The following PLPPR1 variants were observed in gnomAD, a reference collection of about 807,000 sequenced individuals.
PLPPR1 encodes phospholipid phosphatase-related protein type 1.
PLPPR1 carries 10 observed loss-of-function variants against 33.1 expected under a neutral mutation model. That is an observed-to-expected ratio of 0.30 (90% confidence interval 0.19 to 0.51). The LOEUF is 0.51. Ranked by LOEUF, PLPPR1 falls within the 20% of genes least tolerant of loss-of-function variation. The pLI is 0.97. For synonymous variants in PLPPR1, 151 were observed against 151.0 expected (o/e 1.00, Z 0.00); for missense variants, 304 against 408.1 (o/e 0.74, Z 2.20).
At chr9:101,212,677 G>A (rs962192140) in intron 2 of PLPPR1, among the ~76,000 whole-genome samples, 1 of 152,176 alleles carries the variant, frequency 6.6e-6, no homozygotes. Flanking sequence ...ATTGTCAGAT[G>A]TATATTCTCT....
intron 3 of PLPPR1, among the ~76,000 whole-genome samples, chr9:101,280,723 T>G (rs935312140): frequency 2.0e-5 from 3 of 152,116 alleles, no homozygotes; most frequent in African/African-American, 7.2e-5. Context: ...TTCAGCATCC[T>G]TTCATAATTA....
intron 4 of PLPPR1, among the ~76,000 whole-genome samples, chr9:101,291,508 G>C (rs1303923037): frequency 6.6e-6 from 1 of 152,230 alleles, no homozygotes; most frequent in Non-Finnish European, 1.5e-5. Flanking sequence ...CCTGACCCCT[G>C]ACCCCCGAGC....
At chr9:101,109,134 ATTTTTTTT>A (rs67666339) in intron 1 of PLPPR1, among the ~76,000 whole-genome samples, 1 of 99,740 alleles carries the variant, frequency 1.0e-5, no homozygotes, top group East Asian at 2.8e-4. Context: ...AATTTTTTGT[ATTTTTTTT>A]TTTTTTTTTT....
intron 1 of PLPPR1, among the ~76,000 whole-genome samples, chr9:101,106,995 T>C (rs1830979172): frequency 1.3e-5 from 1 of 77,066 alleles, no homozygotes; most frequent in Non-Finnish European, 2.3e-5. Flanking sequence ...GGCTTTCAGC[T>C]CCATCAGCTC....
At chr9:101,299,985 C>T (rs1490094258) in intron 4 of PLPPR1, among the ~76,000 whole-genome samples, 1 of 150,786 alleles carries the variant, frequency 6.6e-6, no homozygotes, top group Non-Finnish European at 1.5e-5. Context: ...CCTCAGCTGA[C>T]AACTACTTTT....
At chr9:101,224,082 C>T (rs1439510382) in intron 2 of PLPPR1, among the ~76,000 whole-genome samples, 1 of 152,012 alleles carries the variant, frequency 6.6e-6, no homozygotes, top group Non-Finnish European at 1.5e-5. Flanking sequence ...ATAACAAGCC[C>T]TCAAGCCTCC....
chr9:101,173,820 A>T (rs1223988117), intron 1 of PLPPR1, among the ~76,000 whole-genome samples: 1 of 152,130 alleles, frequency 6.6e-6, no homozygotes, highest in Admixed American at 6.6e-5. Flanking sequence ...CTTGGGTGGC[A>T]AAGGGAGAAT....
intron 1 of PLPPR1, among the ~76,000 whole-genome samples, chr9:101,156,739 T>G (rs2118662736): frequency 6.6e-6 from 1 of 150,442 alleles, no homozygotes; most frequent in African/African-American, 2.4e-5. Flanking sequence ...CTGAGGGAGG[T>G]TTTAATGAAT....
intron 1 of PLPPR1, among the ~76,000 whole-genome samples, chr9:101,090,730 C>CAAACAAACAAGCAAGACTCTGTCTCA (rs777920134): frequency 3.5e-5 from 1 of 28,534 alleles, no homozygotes; most frequent in Non-Finnish European, 8.8e-5. Context: ...AACAAACAAA[C>CAAACAAACAAGCAAGACTCTGTCTCA]AAACAAACAA....
rs377630329 is a variant in PLPPR1 at position 101,185,486 on chromosome 9, G to A, written c.-9G>A. ...TTTGACGGTGCAGTCTTGCTATATG[G>A]TGTGAGAAATGGCTGTAGGAAACAA... On this transcript the variant is annotated 5_prime_UTR_variant, in exon 2 of 8. It adds an upstream start codon to the 5' untranslated region. Transcript: ENST00000374874. 2.5e-6 allele frequency: 4 copies of A among 1,592,770 alleles called. No individual in the cohort carries two copies. Among genetic ancestry groups the A allele is most frequent in the Non-Finnish European group, 3.4e-6 (4 of 1,162,344 alleles).
chr9:101,303,583 A>C (rs1450407359), intron 4 of PLPPR1, among the ~76,000 whole-genome samples: 1 of 152,176 alleles, frequency 6.6e-6, no homozygotes, highest in African/African-American at 2.4e-5. Flanking sequence ...TTACAGCATG[A>C]GCCACTGTGC....
At chr9:101,207,166 A>G (rs796940714) in intron 2 of PLPPR1, among the ~76,000 whole-genome samples, 8 of 152,320 alleles carry the variant, frequency 5.3e-5, no homozygotes, top group African/African-American at 1.7e-4. Context: ...TATCTGACAA[A>G]TGCAAAATAC....
intron 1 of PLPPR1, among the ~76,000 whole-genome samples, chr9:101,155,139 C>T (rs866523916): frequency 1.8e-4 from 27 of 151,770 alleles, no homozygotes; most frequent in Middle Eastern, 6.8e-3. Flanking sequence ...GATTGTCTAA[C>T]TGTCAGGAAA....
At chr9:101,308,869 C>A (rs548251879) in intron 4 of PLPPR1, among the ~76,000 whole-genome samples, 1 of 152,278 alleles carries the variant, frequency 6.6e-6, no homozygotes, top group African/African-American at 2.4e-5. Context: ...CTCCATTTTG[C>A]AGCAAAGGTA....
At chr9:101,247,441 G>T (rs967015987) in intron 2 of PLPPR1, among the ~76,000 whole-genome samples, 4 of 152,024 alleles carry the variant, frequency 2.6e-5, no homozygotes. Context: ...AAGGAAGGGG[G>T]CCTCAAGAGA....
chr9:101,250,277 C>T (rs1040602827), intron 2 of PLPPR1, among the ~76,000 whole-genome samples: 5 of 151,946 alleles, frequency 3.3e-5, no homozygotes, highest in Non-Finnish European at 7.4e-5. Flanking sequence ...CTTCTCTCAC[C>T]CTGTGGTTCT....
intron 1 of PLPPR1, among the ~76,000 whole-genome samples, chr9:101,121,332 C>T (rs1831176485): frequency 6.6e-6 from 1 of 152,250 alleles, no homozygotes; most frequent in East Asian, 1.9e-4. Flanking sequence ...AAGGGTTATT[C>T]TTTTCATTCC....
chr9:101,133,456 A>G (rs1831340149), intron 1 of PLPPR1, among the ~76,000 whole-genome samples: 1 of 152,216 alleles, frequency 6.6e-6, no homozygotes, highest in Non-Finnish European at 1.5e-5. Flanking sequence ...TAGCTTCACC[A>G]TCTGAAACCT....
At chr9:101,317,517 C>T (rs2118967472) in intron 7 of PLPPR1, 21 bp downstream of exon 7, 1 of 1,608,076 alleles carries the variant, frequency 6.2e-7, no homozygotes, top group South Asian at 1.1e-5. Context: ...GCAGTTTTAG[C>T]AAACCAAACC....
Sources: gnomAD v4.1 joint callset for allele counts (sites outside exome capture counted in the v4.1 genomes callset) on GRCh38, gnomAD v4.1.1 for gene constraint, MANE v1.5 for transcripts, NCBI Gene and HGNC (gene_info 2026-07-23, HGNC 2026-07-21) for gene names.